Variants in SLC16A12 observed in about 807,000 individuals in gnomAD.
SLC16A12 encodes solute carrier family 16 member 12.
In SLC16A12, 17 loss-of-function variants were observed where a neutral mutation model predicts 42.4. That is an observed-to-expected ratio of 0.40 (90% CI 0.27 to 0.60). The LOEUF (loss-of-function observed/expected upper bound fraction) is 0.60. Among genes scored for constraint, SLC16A12 ranks in the 20% least tolerant of loss-of-function variants. The pLI is 0.42. For missense variants in SLC16A12, 544 were observed against 623.0 expected (o/e 0.87, Z 1.35); for synonymous variants, 224 against 229.4 (o/e 0.98, Z 0.21).
At chr10:89,514,208 G>C (rs1331286630) in intron 2 of SLC16A12, among the ~76,000 whole-genome samples, 1 of 152,182 alleles carries the variant, frequency 6.6e-6, no homozygotes, top group East Asian at 1.9e-4. Flanking sequence ...GCAGGTAGGT[G>C]GAAGAAGAAA....
At chr10:89,477,149 T>G (rs1366610913) in intron 2 of SLC16A12, among the ~76,000 whole-genome samples, 2 of 152,248 alleles carry the variant, frequency 1.3e-5, no homozygotes, top group Non-Finnish European at 2.9e-5. Flanking sequence ...AAATAGATAT[T>G]GTTAAACCAG....
At chr10:89,534,013 A>C (rs1164504023) in intron 2 of SLC16A12, among the ~76,000 whole-genome samples, 7 of 152,244 alleles carry the variant, frequency 4.6e-5, no homozygotes, top group African/African-American at 1.4e-4. Flanking sequence ...GAATTCAGCC[A>C]ATCCTTGCCA....
chr10:89,519,270 C>T (rs1589722790), intron 2 of SLC16A12, among the ~76,000 whole-genome samples: 1 of 129,766 alleles, frequency 7.7e-6, no homozygotes, highest in African/African-American at 2.7e-5. Context: ...GCATCGGGTA[C>T]TATCCTCACT....
upstream of SLC16A12, chr10:89,556,703 C>T (rs1843817909): frequency 6.6e-6 from 1 of 152,308 alleles, no homozygotes; most frequent in Admixed American, 6.5e-5. Flanking sequence ...CAAGAAGAAT[C>T]TGAACAGACA....
At position 89,541,985 on chromosome 10, in the gene SLC16A12, TA is replaced by T. The variant is rs532792173; in HGVS notation, c.-47+13896del. On this transcript the variant is annotated intron_variant, in intron 2 of 2. Coordinates refer to the SLC16A12 transcript ENST00000475682. ...GAAGGATTGTGAGGAAATTTATTGA[TA>T]TTTTTTTAGTTCCTGTGATATCCCA... is the stretch of plus-strand genomic sequence containing the variant. 3.5e-4 allele frequency among the ~76,000 whole-genome samples: 54 copies of T among 152,346 alleles called. No homozygotes were observed. In the East Asian group the frequency reaches 8.5e-3, roughly 24 times the overall value.
At chr10:89,511,851 G>A (rs1417453881) in intron 2 of SLC16A12, among the ~76,000 whole-genome samples, 1 of 152,100 alleles carries the variant, frequency 6.6e-6, no homozygotes, top group Non-Finnish European at 1.5e-5. Context: ...TCAAACAAAT[G>A]TTTGTACACC....
intron 5 of SLC16A12, among the ~76,000 whole-genome samples, chr10:89,440,511 A>C (rs1841888936): frequency 6.6e-6 from 1 of 152,222 alleles, no homozygotes; most frequent in African/African-American, 2.4e-5. Flanking sequence ...CCTTTGAGTG[A>C]TAGGCAAACT....
chr10:89,482,994 T>A (rs999610153), intron 2 of SLC16A12, among the ~76,000 whole-genome samples: 1 of 152,204 alleles, frequency 6.6e-6, no homozygotes, highest in Non-Finnish European at 1.5e-5. Flanking sequence ...AGACACTGGA[T>A]GGCTAAAACG....
At chr10:89,480,153 C>T (rs1472726335) in intron 2 of SLC16A12, among the ~76,000 whole-genome samples, 1 of 152,204 alleles carries the variant, frequency 6.6e-6, no homozygotes, top group Non-Finnish European at 1.5e-5. Context: ...TGCCATCCCA[C>T]TCCACCCTCA....
intron 2 of SLC16A12, among the ~76,000 whole-genome samples, chr10:89,523,875 G>A (rs1411621424): frequency 6.6e-6 from 1 of 152,146 alleles, no homozygotes; most frequent in Non-Finnish European, 1.5e-5. Context: ...CCAAAACACA[G>A]CTAGATAATT....
chr10:89,477,703 A>C (rs1279436667), intron 2 of SLC16A12, among the ~76,000 whole-genome samples: 1 of 152,216 alleles, frequency 6.6e-6, no homozygotes, highest in Non-Finnish European at 1.5e-5. Flanking sequence ...TGAATTTTCA[A>C]ATAAATTTTC....
chr10:89,448,558 C>G (rs564376751), intron 3 of SLC16A12, among the ~76,000 whole-genome samples: 20 of 152,218 alleles, frequency 1.3e-4, no homozygotes, highest in African/African-American at 4.3e-4. Flanking sequence ...ATTCAACATC[C>G]CTTCATGCTA....
intron 2 of SLC16A12, among the ~76,000 whole-genome samples, chr10:89,471,208 C>A (rs1254065846): frequency 2.6e-5 from 4 of 152,188 alleles, no homozygotes. Flanking sequence ...ACAATCAAGA[C>A]AAAGAACATT....
At chr10:89,515,100 GAAGCAAAACAAAACA>G (rs1348146505) in intron 2 of SLC16A12, among the ~76,000 whole-genome samples, 3 of 122,362 alleles carry the variant, frequency 2.5e-5, no homozygotes, top group African/African-American at 6.2e-5. Context: ...TCAAAAAAAA[GAAGCAAAACAAAACA>G]AAACAAAACA....
At chr10:89,472,971 C>T (rs907305241) in intron 2 of SLC16A12, among the ~76,000 whole-genome samples, 1 of 151,864 alleles carries the variant, frequency 6.6e-6, no homozygotes, top group Admixed American at 6.6e-5. Context: ...GCACATACCA[C>T]CACATCTAAC....
intron 2 of SLC16A12, among the ~76,000 whole-genome samples, chr10:89,523,808 C>T (rs971404195): frequency 3.9e-5 from 6 of 152,196 alleles, no homozygotes; most frequent in African/African-American, 1.4e-4. Context: ...TGTGCAATGG[C>T]AGTGAAGCTA....
chr10:89,523,964 T>C (rs1041012778), intron 2 of SLC16A12, among the ~76,000 whole-genome samples: 2 of 151,980 alleles, frequency 1.3e-5, no homozygotes, highest in African/African-American at 4.8e-5. Flanking sequence ...TCCCCCAAGT[T>C]CTTCAACCTG....
upstream of SLC16A12, among the ~76,000 whole-genome samples, chr10:89,539,271 T>C (rs1420088644): frequency 6.6e-6 from 1 of 152,226 alleles, no homozygotes; most frequent in Non-Finnish European, 1.5e-5. Context: ...TTCGCTGATG[T>C]GGTCAGCTGA....
At chr10:89,436,956 T>C (rs1389450556) in intron 6 of SLC16A12, among the ~76,000 whole-genome samples, 6 of 150,804 alleles carry the variant, frequency 4.0e-5, no homozygotes, top group African/African-American at 1.2e-4. Context: ...TAAGAAAGTT[T>C]ACAAATTTGT....
Sources: allele counts gnomAD v4.1 joint callset (sites outside exome capture counted in the v4.1 genomes callset), GRCh38; gene constraint gnomAD v4.1.1; transcripts MANE v1.5; gene names NCBI Gene and HGNC (gene_info 2026-07-23, HGNC 2026-07-21).